Variants in EFCAB6 observed in about 807,000 individuals in gnomAD.
The protein encoded by EFCAB6 is EF-hand calcium-binding domain-containing protein 6.
Under a neutral mutation model 169.8 loss-of-function variants are expected in EFCAB6, and 156 were observed. The ratio of observed to expected loss-of-function variants is 0.92; its 90% CI spans 0.81 to 1.05. EFCAB6 has a LOEUF of 1.05. Ranked by LOEUF, EFCAB6 falls within the 50% of genes least tolerant of loss-of-function variation. The pLI is 0.00. For synonymous variants in EFCAB6, 698 were observed against 676.4 expected (o/e 1.03, Z -0.50); for missense variants, 1,800 against 1,829.1 (o/e 0.98, Z 0.29).
At chr22:43,659,247 T>C (rs1391422042) in intron 17 of EFCAB6, among the ~76,000 whole-genome samples, 2 of 152,220 alleles carry the variant, frequency 1.3e-5, no homozygotes, top group African/African-American at 4.8e-5. Context: ...ATAACTGATG[T>C]GATACATAAC....
chr22:43,717,111 T>C (rs2059357061), intron 8 of EFCAB6, 139 bp from the exon 9 acceptor site: 3 of 1,146,062 alleles, frequency 2.6e-6, no homozygotes, highest in East Asian at 2.9e-5. Context: ...ATCTGATTAA[T>C]GGTGTTGAAA....
At chr22:43,689,348 T>TGC (rs1197185789) in intron 10 of EFCAB6, among the ~76,000 whole-genome samples, 5 of 30,154 alleles carry the variant, frequency 1.7e-4, no homozygotes, top group South Asian at 3.0e-3. Flanking sequence ...GGAGAGCACG[T>TGC]GCACACACAC....
chr22:43,537,632 G>A lies in EFCAB6; in HGVS notation c.3880-87C>T. The A allele has an allele frequency of 8.4e-6, 12 of 1,432,090 alleles. No homozygotes were observed. Among genetic ancestry groups the A allele is most frequent in the Non-Finnish European group, 1.0e-5 (11 of 1,077,974 alleles). 88.7% of individuals were successfully genotyped at this position (1,432,090 alleles called of 1,614,324 possible). ...ATACCTCAATACCTCCAGTTTTGAG[G>A]TTCACAATTTTAGAGGCAGAATTAG... On this transcript the variant is annotated intron_variant, in intron 28 of 31. Transcript: ENST00000262726. The surrounding 1 kb of genome is among the most constrained non-coding windows in gnomAD (Gnocchi z 4.3).
intron 26 of EFCAB6, among the ~76,000 whole-genome samples, 193 bp downstream of exon 26, chr22:43,576,104 C>T (rs1299301529): frequency 6.6e-6 from 1 of 152,034 alleles, no homozygotes; most frequent in Non-Finnish European, 1.5e-5. Context: ...TAAAAATTTC[C>T]AACAAAGTAA....
chr22:43,564,218 C>G (rs554551013), intron 26 of EFCAB6, among the ~76,000 whole-genome samples: 12 of 152,048 alleles, frequency 7.9e-5, no homozygotes, highest in African/African-American at 2.7e-4. Flanking sequence ...GAGGCTAAGA[C>G]GGGTGGATCA....
intron 22 of EFCAB6, among the ~76,000 whole-genome samples, chr22:43,603,983 T>C (rs2052721805): frequency 6.6e-6 from 1 of 152,186 alleles, no homozygotes; most frequent in Non-Finnish European, 1.5e-5. Flanking sequence ...TGAGTTCTCA[T>C]GAGATCTGAA....
At position 43,544,162 on chromosome 22, in the gene EFCAB6, G is replaced by A. The variant is rs543295787; in HGVS notation, c.3649-3805C>T. Among the ~76,000 whole-genome samples, 3 of 152,118 alleles carry A rather than the reference G, an allele frequency of 2.0e-5. No homozygotes were observed. The South Asian group carries it at 6.2e-4, about 32-fold the overall frequency. ...CGCCCACAACTCTTCCCCAGTAAAT[G>A]TCCCTTGCTGCTCTCTGTGGCAACC... On this transcript the variant is annotated intron_variant, in intron 27 of 31. Coordinates refer to ENST00000262726, the MANE Select transcript of EFCAB6 (RefSeq NM_022785.4).
intron 4 of EFCAB6, among the ~76,000 whole-genome samples, chr22:43,771,818 T>C (rs1336345851): frequency 6.6e-6 from 1 of 152,172 alleles, no homozygotes; most frequent in Non-Finnish European, 1.5e-5. Context: ...AATGTCGAAC[T>C]GTTTTACGAA....
intron 22 of EFCAB6, among the ~76,000 whole-genome samples, chr22:43,604,821 G>A (rs2147582486): frequency 6.6e-6 from 1 of 152,116 alleles, no homozygotes; most frequent in South Asian, 2.1e-4. Context: ...TGCATAAATT[G>A]GGCATTAATT....
At chr22:43,790,753 G>A (rs1158330488) in intron 2 of EFCAB6, among the ~76,000 whole-genome samples, 2 of 152,204 alleles carry the variant, frequency 1.3e-5, no homozygotes, top group African/African-American at 2.4e-5. Context: ...GCTTACAGGT[G>A]CAAGGGAGGA....
At chr22:43,746,753 AT>A (rs1307564248) in intron 6 of EFCAB6, among the ~76,000 whole-genome samples, 1 of 152,170 alleles carries the variant, frequency 6.6e-6, no homozygotes, top group African/African-American at 2.4e-5. Flanking sequence ...TCTACAAAAA[AT>A]TAGAAATTAA....
At chr22:43,807,148 CT>C (rs2062951718) in intron 2 of EFCAB6, among the ~76,000 whole-genome samples, 1 of 152,136 alleles carries the variant, frequency 6.6e-6, no homozygotes, top group South Asian at 2.1e-4. Flanking sequence ...AAACTTTGCT[CT>C]TGATGGACCA....
At chr22:43,706,592 A>C (rs2058968575) in intron 10 of EFCAB6, among the ~76,000 whole-genome samples, 1 of 152,244 alleles carries the variant, frequency 6.6e-6, no homozygotes, top group African/African-American at 2.4e-5. Context: ...CTGGGCAAAC[A>C]TATGCAAAAT....
intron 17 of EFCAB6, among the ~76,000 whole-genome samples, chr22:43,637,567 G>C (rs759010852): frequency 7.2e-5 from 11 of 152,196 alleles, no homozygotes; most frequent in Non-Finnish European, 1.6e-4. Flanking sequence ...GGGCCAGCAG[G>C]TGAGAAAAAA....
chr22:43,608,712 C>T (rs2053096199), intron 21 of EFCAB6, 112 bp from the exon 22 acceptor site: 5 of 939,340 alleles, frequency 5.3e-6, no homozygotes, highest in East Asian at 4.9e-5. Flanking sequence ...TATCCCCATC[C>T]ACCTCCTTAA....
chr22:43,638,807 C>T (rs558906670), intron 17 of EFCAB6, among the ~76,000 whole-genome samples: 6 of 140,222 alleles, frequency 4.3e-5, no homozygotes, highest in African/African-American at 1.3e-4. Context: ...TTTTTTGAGA[C>T]GGAGTTTCGC....
intron 17 of EFCAB6, among the ~76,000 whole-genome samples, chr22:43,663,324 G>A (rs1033226359): frequency 1.3e-5 from 2 of 152,056 alleles, no homozygotes; most frequent in African/African-American, 2.4e-5. Flanking sequence ...CCTTACATCC[G>A]GTCTAACCTA....
intron 17 of EFCAB6, among the ~76,000 whole-genome samples, chr22:43,651,668 C>T (rs2056475571): frequency 6.6e-6 from 1 of 152,236 alleles, no homozygotes. Flanking sequence ...CACTCAATGT[C>T]AGCCCATGAA....
intron 5 of EFCAB6, among the ~76,000 whole-genome samples, chr22:43,760,309 A>C (rs2061118204): frequency 1.3e-5 from 2 of 152,104 alleles, no homozygotes; most frequent in African/African-American, 4.8e-5. Context: ...TGAAAAGATT[A>C]TTTCATTATC....
Sources: gnomAD v4.1 joint callset for allele counts (sites outside exome capture counted in the v4.1 genomes callset) on GRCh38, gnomAD v4.1.1 for gene constraint, Gnocchi (gnomAD v3.1) non-coding constraint, MANE v1.5 for transcripts, NCBI Gene and HGNC (gene_info 2026-07-23, HGNC 2026-07-21) for gene names.